SCFD2: variants seen among roughly 807,000 people sequenced by gnomAD.
The protein encoded by SCFD2 is sec1 family domain containing 2.
SCFD2 carries 54 observed loss-of-function variants against 58.9 expected under a neutral mutation model. The ratio of observed to expected loss-of-function variants is 0.92; its 90% CI spans 0.74 to 1.15. The LOEUF (loss-of-function observed/expected upper bound fraction) is 1.15, where lower values mean the gene tolerates loss of function less well. SCFD2 is among the 50% of genes most tolerant of loss of function. The pLI, the probability that SCFD2 is intolerant of heterozygous loss-of-function variation, is 0.00. For synonymous variants in SCFD2, 321 were observed against 335.9 expected, an observed-to-expected ratio of 0.96 and a Z score of 0.49; for missense variants, 805 against 836.6, an observed-to-expected ratio of 0.96 and a Z score of 0.47.
chr4:52,951,042 T>A (rs1214853033), intron 5 of SCFD2: 1 of 152,210 alleles, frequency 6.6e-6, no homozygotes, highest in South Asian at 2.1e-4. Flanking sequence ...GCATTTGTTA[T>A]ACACCCGAAC....
At chr4:53,289,467 TA>T (rs1450276342) in intron 3 of SCFD2, among the ~76,000 whole-genome samples, 6 of 151,960 alleles carry the variant, frequency 3.9e-5, no homozygotes, top group African/African-American at 1.5e-4. Flanking sequence ...AGCAGAAAAC[TA>T]TGGCAGATAC....
chr4:53,068,880 T>C (rs1723737058), intron 5 of SCFD2, among the ~76,000 whole-genome samples: 1 of 152,076 alleles, frequency 6.6e-6, no homozygotes, highest in African/African-American at 2.4e-5. Flanking sequence ...ATGACCCTTG[T>C]TTAACTTTAG....
At chr4:53,340,666 A>G (rs147600491) in intron 2 of SCFD2, among the ~76,000 whole-genome samples, 18 of 152,314 alleles carry the variant, frequency 1.2e-4, no homozygotes, top group Middle Eastern at 6.8e-3. Flanking sequence ...TACCTCCTCA[A>G]GTGTGTCCCT....
chr4:52,905,395 C>T (rs977395014), intron 7 of SCFD2, among the ~76,000 whole-genome samples: 17 of 152,180 alleles, frequency 1.1e-4, no homozygotes, highest in Non-Finnish European at 2.1e-4. Flanking sequence ...ATTTAGAAAC[C>T]AAACAAAATG....
chr4:53,196,825 T>G (rs1728072870), intron 4 of SCFD2, among the ~76,000 whole-genome samples: 1 of 152,100 alleles, frequency 6.6e-6, no homozygotes, highest in African/African-American at 2.4e-5. Flanking sequence ...CACATAAATT[T>G]ATAGTTTTAC....
intron 5 of SCFD2, among the ~76,000 whole-genome samples, chr4:53,025,618 C>T (rs1722454020): frequency 6.6e-6 from 1 of 152,176 alleles, no homozygotes; most frequent in African/African-American, 2.4e-5. Context: ...GATCTACCGA[C>T]TATCCAAGAG....
intron 3 of SCFD2, 57 bp from the exon 4 acceptor site, chr4:53,274,058 G>A: frequency 1.4e-6 from 2 of 1,401,070 alleles, no homozygotes; most frequent in Non-Finnish European, 1.9e-6. Flanking sequence ...CAAATAATGA[G>A]AAGGATTCCA....
chr4:53,270,805 A>G (rs1217321489), intron 4 of SCFD2, among the ~76,000 whole-genome samples: 2 of 152,230 alleles, frequency 1.3e-5, no homozygotes, highest in Non-Finnish European at 2.9e-5. Context: ...AAAACTGAAC[A>G]TATGGATTTA....
At chr4:52,881,839 CA>C (rs1399774701) in intron 8 of SCFD2, among the ~76,000 whole-genome samples, 8 of 152,092 alleles carry the variant, frequency 5.3e-5, no homozygotes, top group African/African-American at 1.7e-4. Context: ...ATTGGACATT[CA>C]ATTAACATTC....
At chr4:53,073,837 T>G (rs1365074155) in intron 5 of SCFD2, among the ~76,000 whole-genome samples, 1 of 152,170 alleles carries the variant, frequency 6.6e-6, no homozygotes, top group Non-Finnish European at 1.5e-5. Flanking sequence ...ATTAAAAATA[T>G]TTATCGCTAA....
intron 2 of SCFD2, among the ~76,000 whole-genome samples, chr4:53,320,840 A>T (rs1443437380): frequency 6.6e-6 from 1 of 152,240 alleles, no homozygotes; most frequent in Non-Finnish European, 1.5e-5. Flanking sequence ...TGGAATATAA[A>T]TTAAACAATT....
chr4:53,145,332 C>G lies in SCFD2; in HGVS notation c.1561+1G>C. ...GTCCTGTATCTTTGTTAGACACTCACCCGTAATTTTTTGCAGCAAAGGTGA... is the reference window on the plus strand; with the variant it reads ...GTCCTGTATCTTTGTTAGACACTCAGCCGTAATTTTTTGCAGCAAAGGTGA... On this transcript the variant is annotated splice_donor_variant, in intron 5 of 8. Transcript: ENST00000401642. LOFTEE classifies it high-confidence loss of function. 6.2e-7 allele frequency: 1 copy of G among 1,613,918 alleles called. No individual in the cohort carries two copies. Among genetic ancestry groups the G allele is most frequent in the Non-Finnish European group, 8.5e-7 (1 of 1,179,958 alleles).
chr4:53,298,936 C>G (rs572501175), intron 3 of SCFD2, among the ~76,000 whole-genome samples: 1 of 152,286 alleles, frequency 6.6e-6, no homozygotes, highest in South Asian at 2.1e-4. Context: ...ACACCAAAAA[C>G]CCATCTGTAC....
intron 3 of SCFD2, among the ~76,000 whole-genome samples, chr4:53,278,358 TAAAAAA>T (rs771974130): frequency 6.5e-4 from 80 of 122,208 alleles, no homozygotes; most frequent in Middle Eastern, 4.3e-3. Context: ...GACTCCATCT[TAAAAAA>T]AAAAAAAAAG....
intron 4 of SCFD2, among the ~76,000 whole-genome samples, chr4:53,229,334 C>T (rs1729349105): frequency 6.6e-6 from 1 of 152,156 alleles, no homozygotes; most frequent in South Asian, 2.1e-4. Flanking sequence ...GCCGAAAGAA[C>T]AAAGCTGGAG....
intron 5 of SCFD2, among the ~76,000 whole-genome samples, chr4:53,124,246 A>C (rs577028083): frequency 6.6e-6 from 1 of 152,312 alleles, no homozygotes; most frequent in African/African-American, 2.4e-5. Context: ...CAAGTATTTG[A>C]CAAACAGACA....
chr4:52,887,958 C>T (rs987209670), intron 7 of SCFD2, among the ~76,000 whole-genome samples: 23 of 133,402 alleles, frequency 1.7e-4, no homozygotes, highest in Admixed American at 3.3e-4. Context: ...GGCCGGACTG[C>T]GGACTGCAGT....
chr4:53,355,086 T>G (rs1273523592), intron 1 of SCFD2, among the ~76,000 whole-genome samples: 1 of 152,246 alleles, frequency 6.6e-6, no homozygotes, highest in Non-Finnish European at 1.5e-5. Context: ...GTCATTATCA[T>G]AAGGCATGTA....
intron 7 of SCFD2, among the ~76,000 whole-genome samples, chr4:52,891,378 G>C (rs1217873464): frequency 6.6e-6 from 1 of 152,152 alleles, no homozygotes; most frequent in Non-Finnish European, 1.5e-5. Context: ...AAGGTGGTGA[G>C]TGCTATGGAG....
Sources: allele counts gnomAD v4.1 joint callset (sites outside exome capture counted in the v4.1 genomes callset), GRCh38; gene constraint gnomAD v4.1.1; transcripts MANE v1.5; gene names NCBI Gene and HGNC (gene_info 2026-07-23, HGNC 2026-07-21).